The following AXDND1 variants were observed in gnomAD, a reference collection of about 807,000 sequenced individuals.
The protein encoded by AXDND1 is axonemal dynein light chain domain-containing protein 1.
A neutral mutation model predicts 137.5 loss-of-function variants in AXDND1; 110 were observed. The observed-to-expected ratio is 0.80, with a 90% CI of 0.69 to 0.94. The LOEUF is 0.94. AXDND1 is among the 40% of genes least tolerant of loss of function. AXDND1 has a pLI of 0.00. For missense variants in AXDND1, 1,191 were observed against 1,169.8 expected (o/e 1.02, Z -0.26); for synonymous variants, 414 against 399.7 (o/e 1.04, Z -0.43).
intron 16 of AXDND1, among the ~76,000 whole-genome samples, chr1:179,461,679 A>G (rs561934075): frequency 6.6e-6 from 1 of 152,186 alleles, no homozygotes; most frequent in Non-Finnish European, 1.5e-5. Context: ...CTTCCTATCC[A>G]TGAACATGGA....
rs190608639 is a variant in AXDND1 at position 179,396,493 on chromosome 1, C to T, written c.1109+1291C>T. On this transcript the variant is annotated intron_variant, in intron 11 of 25. Transcript: ENST00000367618. Reference sequence around the variant, plus strand: ...TGAAACCCTGTCTCTACTAAAAATACAAAAAATTAGCTGACATGGTGGCAC... The same window carrying T: ...TGAAACCCTGTCTCTACTAAAAATATAAAAAATTAGCTGACATGGTGGCAC... Among the ~76,000 whole-genome samples, 465 of 151,888 alleles carry T rather than the reference C, an allele frequency of 3.1e-3. 3 individuals are homozygous for T. The highest frequency in any genetic ancestry group is 0.01 in the African/African-American group (430 of 41,458).
chr1:179,446,488 A>C (rs1222596888), intron 16 of AXDND1, among the ~76,000 whole-genome samples: 1 of 152,228 alleles, frequency 6.6e-6, no homozygotes, highest in Non-Finnish European at 1.5e-5. Flanking sequence ...CCCTGCCTCC[A>C]GTCTCCTTGG....
At position 179,366,590 on chromosome 1, in the gene AXDND1, C is replaced by T; in HGVS notation, c.81C>T (p.Ala27=). ...GCAAAAAGTTAAAAGTGTCTGTAGC[C>T]AAGGAAGGGACAAGAGGTAAACTTC... ...SESKKLKVSV[A]KEGTRGLPEL... Residue 27 remains alanine, a synonymous_variant, in exon 2 of 26, where the codon GCC becomes GCT. Transcript: ENST00000367618. 1 of 1,612,184 alleles carries T rather than the reference C, an allele frequency of 6.2e-7. No individual in the cohort carries two copies. Among genetic ancestry groups the T allele is most frequent in the Non-Finnish European group, 8.5e-7 (1 of 1,178,388 alleles).
chr1:179,534,710 T>C lies in AXDND1; in HGVS notation c.2799-20T>C, dbSNP rs758941987. 9.6e-6 allele frequency: 15 copies of C among 1,557,290 alleles called. No individual in the cohort carries two copies. In the Admixed American group the frequency reaches 2.1e-4, roughly 21 times the overall value. On this transcript the variant is annotated intron_variant, in intron 24 of 25. Transcript: ENST00000367618. ...TTTTTCAACCCTTTCTATTTTGTTGTGTCTTCTCTTCCATATCAGGGAGGT... is the reference window on the plus strand; with the variant it reads ...TTTTTCAACCCTTTCTATTTTGTTGCGTCTTCTCTTCCATATCAGGGAGGT...
rs902192739 is a variant in AXDND1 at position 179,541,482 on chromosome 1, T to C, written c.3031+6520T>C. On this transcript the variant is annotated intron_variant, in intron 25 of 25. Coordinates refer to ENST00000367618, the MANE Select transcript of AXDND1 (RefSeq NM_144696.6). ...TCTTGCCGGAAAATCCGTTTTTGTT[T>C]TTTTTTTTTTTTTAATAAAAGAACA... is the stretch of plus-strand genomic sequence containing the variant. 2.0e-5 allele frequency among the ~76,000 whole-genome samples: 3 copies of C among 148,526 alleles called. No individual in the cohort carries two copies. The Admixed American group carries it at 2.0e-4, about 10-fold the overall frequency.
At chr1:179,393,879 G>A in intron 9 of AXDND1, 24 bp from the exon 10 acceptor site, 1 of 1,567,082 alleles carries the variant, frequency 6.4e-7, no homozygotes, top group African/African-American at 1.4e-5. Context: ...AGATCTAGGA[G>A]CTTTTTGGTT....
At chr1:179,388,313 A>G (rs1649548400) in intron 9 of AXDND1, among the ~76,000 whole-genome samples, 1 of 152,188 alleles carries the variant, frequency 6.6e-6, no homozygotes. Context: ...AATTCACTAT[A>G]TAGATTAATG....
chr1:179,482,159 A>T (rs1008173006), intron 17 of AXDND1, among the ~76,000 whole-genome samples: 3 of 127,770 alleles, frequency 2.3e-5, no homozygotes, highest in Non-Finnish European at 4.7e-5. Context: ...TCTCTGAGCT[A>T]GGGCTCTAGA....
chr1:179,507,722 A>G (rs1225401326), intron 20 of AXDND1, among the ~76,000 whole-genome samples: 2 of 152,160 alleles, frequency 1.3e-5, no homozygotes, highest in African/African-American at 2.4e-5. Flanking sequence ...TGGTTGTTAA[A>G]CATTTACCAG....
chr1:179,391,003 T>C (rs1650082694), intron 9 of AXDND1, among the ~76,000 whole-genome samples: 1 of 151,870 alleles, frequency 6.6e-6, no homozygotes, highest in Admixed American at 6.6e-5. Context: ...ATAGGGTTTA[T>C]CCATGTTGGT....
At chr1:179,423,737 C>T (rs977075158) in intron 12 of AXDND1, among the ~76,000 whole-genome samples, 2 of 152,016 alleles carry the variant, frequency 1.3e-5, no homozygotes, top group Non-Finnish European at 2.9e-5. Flanking sequence ...CGCTTTAACT[C>T]TATTCTCCTC....
At chr1:179,380,633 A>T (rs1322849970) in intron 6 of AXDND1, among the ~76,000 whole-genome samples, 4 of 152,188 alleles carry the variant, frequency 2.6e-5, no homozygotes, top group Non-Finnish European at 4.4e-5. Context: ...AGAACTTTGG[A>T]CTAAGGTTTT....
At chr1:179,433,905 A>G (rs1332579192) in intron 15 of AXDND1, among the ~76,000 whole-genome samples, 1 of 152,156 alleles carries the variant, frequency 6.6e-6, no homozygotes, top group Non-Finnish European at 1.5e-5. Context: ...AGTCCGAAAT[A>G]TCCTTGTTAA....
chr1:179,533,751 G>C, intron 23 of AXDND1, 44 bp from the exon 24 acceptor site: 2 of 1,418,480 alleles, frequency 1.4e-6, no homozygotes. Context: ...AATACTAATT[G>C]TTGAGACTGT....
intron 15 of AXDND1, among the ~76,000 whole-genome samples, chr1:179,433,303 C>CA (rs1380440726): frequency 4.0e-5 from 6 of 150,978 alleles, no homozygotes; most frequent in Admixed American, 1.3e-4. Flanking sequence ...TTAATTTTTT[C>CA]AAAAAAAATA....
intron 4 of AXDND1, among the ~76,000 whole-genome samples, chr1:179,373,835 A>T (rs1353153425): frequency 3.3e-5 from 5 of 152,190 alleles, no homozygotes; most frequent in Admixed American, 6.5e-5. Context: ...TTCAAGATGG[A>T]TTAAAGACTT....
At chr1:179,434,452 A>G (rs958743819) in intron 15 of AXDND1, among the ~76,000 whole-genome samples, 2 of 152,230 alleles carry the variant, frequency 1.3e-5, no homozygotes, top group Admixed American at 6.5e-5. Context: ...GAAAATCCTC[A>G]ATAAAATACT....
intron 21 of AXDND1, among the ~76,000 whole-genome samples, chr1:179,521,743 C>T (rs1177538041): frequency 2.1e-5 from 3 of 140,950 alleles, no homozygotes; most frequent in African/African-American, 7.7e-5. Flanking sequence ...GCCTTTATTT[C>T]ACCCTCATTC....
intron 15 of AXDND1, among the ~76,000 whole-genome samples, chr1:179,434,788 C>T (rs1380406913): frequency 6.6e-6 from 1 of 150,794 alleles, no homozygotes; most frequent in Non-Finnish European, 1.5e-5. Flanking sequence ...TTTGAAAAGA[C>T]AAGGGTACCC....
Sources: allele counts gnomAD v4.1 joint callset (sites outside exome capture counted in the v4.1 genomes callset), GRCh38; gene constraint gnomAD v4.1.1; transcripts MANE v1.5; gene names NCBI Gene and HGNC (gene_info 2026-07-23, HGNC 2026-07-21).